ASTN1: variants seen among roughly 807,000 people sequenced by gnomAD.
ASTN1 encodes astrotactin 1, also known as astrotactin-1.
In ASTN1, 41 loss-of-function variants were observed where a neutral mutation model predicts 140.7. The ratio of observed to expected loss-of-function variants is 0.29; its 90% CI spans 0.23 to 0.38. The LOEUF is 0.38. Ranked by LOEUF, ASTN1 falls within the 10% of genes least tolerant of loss-of-function variation. The probability of loss-of-function intolerance (pLI) is 1.00; values close to 1 mark genes in which losing one functional copy is unlikely to be tolerated. For synonymous variants in ASTN1, 640 were observed against 652.2 expected (o/e 0.98, Z 0.29); for missense variants, 1,479 against 1,678.8 (o/e 0.88, Z 2.08).
chr1:176,883,768 C>A (rs73051878), intron 19 of ASTN1, among the ~76,000 whole-genome samples: 6,600 of 152,266 alleles, frequency 0.043, 431 homozygotes, highest in African/African-American at 0.15. Flanking sequence ...GAATGTTGAC[C>A]TTTCACTGTG....
intron 7 of ASTN1, among the ~76,000 whole-genome samples, chr1:177,022,445 T>C (rs947545844): frequency 6.6e-6 from 1 of 152,212 alleles, no homozygotes; most frequent in African/African-American, 2.4e-5. Flanking sequence ...TAGAGACTAC[T>C]GTAGGTGAAT....
In ASTN1 at chr1:177,003,211, T is replaced by C. The variant is rs1366469219; in HGVS notation, c.1523+11580A>G. On this transcript the variant is annotated intron_variant, in intron 8 of 22. Coordinates refer to ENST00000361833, the MANE Select transcript of ASTN1 (RefSeq NM_004319.3). The stretch of plus-strand genomic sequence containing the variant: ...CACACACAAAAACTGCAGACCGATA[T>C]CCTTACTGAAAATAGACGCAAAAAC... Among the ~76,000 whole-genome samples, 6 of 150,990 alleles carry C rather than the reference T, an allele frequency of 4.0e-5. No homozygotes were observed. In the East Asian group the frequency reaches 9.7e-4, roughly 24 times the overall value.
At chr1:177,105,201 G>T (rs1680493823) in intron 1 of ASTN1, among the ~76,000 whole-genome samples, 1 of 152,022 alleles carries the variant, frequency 6.6e-6, no homozygotes, top group Non-Finnish European at 1.5e-5. Flanking sequence ...TGCTTGTACG[G>T]GATTTAGCCA....
intron 1 of ASTN1, among the ~76,000 whole-genome samples, chr1:177,075,462 T>C (rs1678848637): frequency 6.6e-6 from 1 of 151,898 alleles, no homozygotes; most frequent in Non-Finnish European, 1.5e-5. Flanking sequence ...TTTGCTTTCT[T>C]TGCTGGAGGT....
chr1:177,012,926 A>C (rs899829120), intron 8 of ASTN1, among the ~76,000 whole-genome samples: 11 of 152,158 alleles, frequency 7.2e-5, no homozygotes, highest in African/African-American at 2.7e-4. Context: ...CACTATTTTA[A>C]TCAGTAAGAA....
At chr1:176,958,929 A>C (rs1319863527) in intron 9 of ASTN1, among the ~76,000 whole-genome samples, 1 of 152,212 alleles carries the variant, frequency 6.6e-6, no homozygotes, top group Non-Finnish European at 1.5e-5. Context: ...ATAAAGAAAG[A>C]AAGCACCCCT....
rs769932786 is a variant in ASTN1 at position 177,030,830 on chromosome 1, T to G, written c.988A>C (p.Lys330Gln). The G allele has an allele frequency of 5.0e-6, 8 of 1,614,180 alleles. No homozygotes were observed. The highest frequency in any genetic ancestry group is 6.8e-6 in the Non-Finnish European group (8 of 1,180,024). ...LLSHTSSSQR[K>Q]RINNKARAGS... ...CCTCTTGCTTTGTTGTTGATCCGCT[T>G]TCTCTGGCTGCTGGAGGTGTGAGAG... The change falls in exon 4 of 23, where the codon AAG becomes CAG. Residue 330 changes from lysine (K) to glutamine (Q), a missense_variant. Around this residue, in one of 3 missense-constraint regions of ASTN1, gnomAD observed 729 missense variants for 860.4 expected, o/e 0.85. Coordinates refer to ENST00000361833, the MANE Select transcript of ASTN1 (RefSeq NM_004319.3).
At chr1:177,137,142 T>C (rs1682241984) in intron 1 of ASTN1, among the ~76,000 whole-genome samples, 1 of 152,152 alleles carries the variant, frequency 6.6e-6, no homozygotes. Flanking sequence ...TTTATGGGGA[T>C]GTGGTTCTAA....
chr1:176,911,071 C>CATGCT (rs1670217860), intron 16 of ASTN1, among the ~76,000 whole-genome samples: 1 of 152,202 alleles, frequency 6.6e-6, no homozygotes, highest in Non-Finnish European at 1.5e-5. Flanking sequence ...ACCTGTACAA[C>CATGCT]ATGCTACTGT....
rs78324012 is a variant in ASTN1 at position 176,975,336 on chromosome 1, A to T, written c.1524-10099T>A. Among the ~76,000 whole-genome samples, 14 of 152,342 alleles carry T rather than the reference A, an allele frequency of 9.2e-5. No homozygotes were observed. In the East Asian group the frequency reaches 2.7e-3, roughly 29 times the overall value. On this transcript the variant is annotated intron_variant, in intron 8 of 22. Transcript: ENST00000361833. ...TCAGCAAGGTCACATTAGTAGCCCA[A>T]GGTCACACTGCTAGTAAGGGGCAGA...
At chr1:176,922,551 C>CA (rs1670775787) in intron 16 of ASTN1, among the ~76,000 whole-genome samples, 1 of 91,088 alleles carries the variant, frequency 1.1e-5, no homozygotes, top group African/African-American at 6.0e-5. Flanking sequence ...CTCCAGCCCC[C>CA]ACTGCAAAAA....
chr1:176,869,271 TACAG>T (rs1437388416), intron 21 of ASTN1, among the ~76,000 whole-genome samples: 2 of 152,130 alleles, frequency 1.3e-5, no homozygotes, highest in African/African-American at 4.8e-5. Context: ...AGTATGCTGT[TACAG>T]AAAGAGCATT....
chr1:177,058,175 G>T, intron 2 of ASTN1, among the ~76,000 whole-genome samples: 1 of 152,154 alleles, frequency 6.6e-6, no homozygotes, highest in Admixed American at 6.5e-5. Flanking sequence ...AACCATCTTT[G>T]ACAGGGAAAG....
rs1209772253 is a variant in ASTN1 at position 176,864,037 on chromosome 1, A to T, written c.*247T>A. ...CAAATTAATGGCAAAGCAAACCCCA[A>T]AGTAATCCTCTAAAGAAATATGGCA... On this transcript the variant is annotated 3_prime_UTR_variant, in exon 23 of 23. Transcript: ENST00000361833. 7.6e-7 allele frequency: 1 copy of T among 1,309,376 alleles called. No homozygotes were observed. Among genetic ancestry groups the T allele is most frequent in the African/African-American group, 1.5e-5 (1 of 67,418 alleles). The allele number at this position is 1,309,376 out of a possible 1,614,324, so 81.1% of individuals were successfully genotyped here. A position where few individuals can be genotyped will look rare whatever the true frequency, so the allele number is the denominator to read the frequency against.
chr1:177,116,744 A>C (rs1681109667), intron 1 of ASTN1, among the ~76,000 whole-genome samples: 1 of 152,160 alleles, frequency 6.6e-6, no homozygotes, highest in South Asian at 2.1e-4. Context: ...ACTGCTGGTC[A>C]CATCCTCAGT....
At chr1:177,076,052 G>T (rs1678887810) in intron 1 of ASTN1, among the ~76,000 whole-genome samples, 1 of 151,878 alleles carries the variant, frequency 6.6e-6, no homozygotes, top group Admixed American at 6.6e-5. Context: ...GGCTGAGGCG[G>T]GTGGATCATG....
intron 7 of ASTN1, among the ~76,000 whole-genome samples, chr1:177,016,717 G>C (rs949679628): frequency 6.6e-6 from 1 of 152,188 alleles, no homozygotes; most frequent in Non-Finnish European, 1.5e-5. Context: ...TCCCCCATAT[G>C]AGTAGGTCTT....
intron 8 of ASTN1, among the ~76,000 whole-genome samples, chr1:177,001,010 G>A (rs1189439157): frequency 6.6e-6 from 1 of 152,174 alleles, no homozygotes; most frequent in African/African-American, 2.4e-5. Context: ...CACTCCATGA[G>A]ATAATTTAAA....
At chr1:176,896,459 A>G (rs1378632852) in intron 16 of ASTN1, among the ~76,000 whole-genome samples, 1 of 152,166 alleles carries the variant, frequency 6.6e-6, no homozygotes, top group Non-Finnish European at 1.5e-5. Flanking sequence ...CTGTGTGGCT[A>G]CGGGTATTTG....
Sources: allele counts gnomAD v4.1 joint callset (sites outside exome capture counted in the v4.1 genomes callset), GRCh38; gene constraint gnomAD v4.1.1; regional missense constraint gnomAD v4.1.1; transcripts MANE v1.5; gene names NCBI Gene and HGNC (gene_info 2026-07-23, HGNC 2026-07-21).